PDGFA: variants seen among roughly 807,000 people sequenced by gnomAD.
The protein encoded by PDGFA is platelet-derived growth factor subunit A.
A neutral mutation model predicts 25.6 loss-of-function variants in PDGFA; 9 were observed. That is an observed-to-expected ratio of 0.35 (90% confidence interval 0.21 to 0.61). The LOEUF is 0.61. Ranked by LOEUF, PDGFA falls within the 20% of genes least tolerant of loss-of-function variation. The pLI, the probability that PDGFA is intolerant of heterozygous loss-of-function variation, is 0.75. For missense variants in PDGFA, 242 were observed against 272.8 expected (o/e 0.89, Z 0.79); for synonymous variants, 133 against 111.8 (o/e 1.19, Z -1.20).
At chr7:497,530 G>A (rs1782095813) in exon 6 of PDGFA, 1 of 152,222 alleles carries the variant, frequency 6.6e-6, no homozygotes, top group African/African-American at 2.4e-5. Flanking sequence ...AAGCGGCAAT[G>A]CATCTCACGT....
chr7:501,256 C>G lies in PDGFA; in HGVS notation c.454-14G>C, dbSNP rs1215242138. The stretch of plus-strand genomic sequence containing the variant: ...CACCTTGGCCACCTGCCAGAGAGAA[C>G]AGAGCCCGGCCATGAATGCCTGCAT... On this transcript the variant is annotated splice_polypyrimidine_tract_variant and intron_variant, in intron 4 of 5. Coordinates refer to ENST00000402802, the Ensembl canonical transcript of PDGFA. The G allele has an allele frequency of 1.2e-5, 19 of 1,613,782 alleles. No homozygotes were observed. The highest frequency in any genetic ancestry group is 1.6e-5 in the Non-Finnish European group (19 of 1,179,966).
Position 500,374 on chromosome 7 carries a change from C to T in PDGFA, c.580+742G>A. 6.4e-7 allele frequency: 1 copy of T among 1,564,674 alleles called. No individual in the cohort carries two copies. The highest frequency in any genetic ancestry group is 8.8e-7 in the Non-Finnish European group (1 of 1,135,490). ...AGGAAGCGTGATTTGCTGGTGTGAT[C>T]AGTCAGTTGCACCTCCCCGCCCTGC... On this transcript the variant is annotated intron_variant, in intron 5 of 5. Coordinates refer to ENST00000402802, the Ensembl canonical transcript of PDGFA. This position sits in a 1 kb window ranked among gnomAD's most constrained non-coding sequence, Gnocchi z 5.0.
At chr7:510,083 C>T (rs1782732915) in intron 4 of PDGFA, among the ~76,000 whole-genome samples, 1 of 152,188 alleles carries the variant, frequency 6.6e-6, no homozygotes, top group African/African-American at 2.4e-5. Context: ...CACTGAAGAG[C>T]CCGCACAGGA....
chr7:498,935 C>T (rs891216158), intron 5 of PDGFA, among the ~76,000 whole-genome samples: 4 of 152,228 alleles, frequency 2.6e-5, no homozygotes, highest in African/African-American at 9.6e-5. Flanking sequence ...CTCTGGCAGC[C>T]ACCTTGGGCC....
intron 4 of PDGFA, among the ~76,000 whole-genome samples, chr7:509,373 C>T (rs1482674626): frequency 3.3e-5 from 5 of 152,192 alleles, no homozygotes; most frequent in Admixed American, 2.0e-4. Context: ...CTCACTGCAG[C>T]CTCAACCTCC....
rs989162514 is a variant in PDGFA, at chr7:500,015, T to C, written c.580+1101A>G. On this transcript the variant is annotated intron_variant, in intron 5 of 5. Coordinates refer to ENST00000402802, the Ensembl canonical transcript of PDGFA. This position sits in a 1 kb window ranked among gnomAD's most constrained non-coding sequence, Gnocchi z 5.0. Reference sequence around the variant, plus strand: ...TGCACGTTTATAAAGGATTTCCAGATATATTCAGCCTCCAACAGTCCTTAT... The same window carrying C: ...TGCACGTTTATAAAGGATTTCCAGACATATTCAGCCTCCAACAGTCCTTAT... 2.6e-5 allele frequency among the ~76,000 whole-genome samples: 4 copies of C among 152,082 alleles called. No homozygotes were observed. The highest frequency in any genetic ancestry group is 9.7e-5 in the African/African-American group (4 of 41,386).
At chr7:510,391 C>T (rs369765097) in intron 4 of PDGFA, among the ~76,000 whole-genome samples, 87 of 151,660 alleles carry the variant, frequency 5.7e-4, no homozygotes, top group African/African-American at 1.8e-3. Context: ...CCAGTAGGGG[C>T]GACCCTCAGG....
intron 4 of PDGFA, among the ~76,000 whole-genome samples, chr7:502,681 C>T (rs1339213493): frequency 1.3e-5 from 2 of 152,150 alleles, no homozygotes; most frequent in African/African-American, 2.4e-5. Flanking sequence ...GCCTCCACAG[C>T]CCCTTCCCCG....
At chr7:513,493 G>T (rs896240183) in intron 2 of PDGFA, 1 of 149,352 alleles carries the variant, frequency 6.7e-6, no homozygotes, top group African/African-American at 2.5e-5. Context: ...CAGCTGGGGA[G>T]TCTCTTCCCA....
chr7:515,204 G>T (rs1783033768), intron 2 of PDGFA, among the ~76,000 whole-genome samples: 2 of 152,182 alleles, frequency 1.3e-5, no homozygotes, highest in Non-Finnish European at 2.9e-5. Context: ...GACTCCGAGG[G>T]AAAGTTCGTT....
upstream of PDGFA, chr7:519,945 G>A (rs1417464300): frequency 1.7e-5 from 2 of 118,642 alleles, no homozygotes; most frequent in Non-Finnish European, 1.6e-5. Flanking sequence ...CGGATTCCGG[G>A]CCTGGGACCC....
Position 500,547 on chromosome 7 carries a change from G to C in PDGFA, c.580+569C>G, listed in dbSNP as rs149638807. 3.1e-6 allele frequency: 5 copies of C among 1,613,078 alleles called. No homozygotes were observed. The highest frequency in any genetic ancestry group is 4.2e-6 in the Non-Finnish European group (5 of 1,179,888). On this transcript the variant is annotated intron_variant, in intron 5 of 5. Coordinates refer to ENST00000402802, the Ensembl canonical transcript of PDGFA. The surrounding 1 kb of genome is among the most constrained non-coding windows in gnomAD (Gnocchi z 5.0). ...GTGAGTGGGCCGAGGGACGGCCGTCGGGGTGAAGAACTGAAGCAACAAATA... is the reference window on the plus strand; with the variant it reads ...GTGAGTGGGCCGAGGGACGGCCGTCCGGGTGAAGAACTGAAGCAACAAATA...
intron 5 of PDGFA, among the ~76,000 whole-genome samples, chr7:499,943 T>C (rs1308062827): frequency 6.6e-6 from 1 of 152,064 alleles, no homozygotes; most frequent in Admixed American, 6.5e-5. Flanking sequence ...TGCTGTCTGG[T>C]GTTACTAGCA....
chr7:516,040 GC>G (rs1299066097), intron 2 of PDGFA, among the ~76,000 whole-genome samples: 604 of 33,742 alleles, frequency 0.018, 23 homozygotes, highest in African/African-American at 0.061. Flanking sequence ...CCAGGAAGCA[GC>G]CCCCCCCCCC....
intron 2 of PDGFA, chr7:513,016 C>T (rs149458972): frequency 0.013 from 2,492 of 189,562 alleles, 82 homozygotes; most frequent in African/African-American, 0.055. Flanking sequence ...CACTGGAAGC[C>T]GCCAGACTGG....
In PDGFA at chr7:517,310, G is replaced by T; in HGVS notation, c.160+84C>A. The T allele has an allele frequency of 2.2e-6, 1 of 464,264 alleles. No individual in the cohort carries two copies. Among genetic ancestry groups the T allele is most frequent in the South Asian group, 6.0e-5 (1 of 16,804 alleles). The allele number at this position is 464,264 out of a possible 1,614,324, so 28.8% of individuals were successfully genotyped here. ...CTGACCTTTCGGTGCGCTCCTGCGC[G>T]GCGCCCCGCCCGGCCCCAGCTCGGG... is the stretch of plus-strand genomic sequence containing the variant. On this transcript the variant is annotated intron_variant, in intron 2 of 5. Coordinates refer to ENST00000402802, the Ensembl canonical transcript of PDGFA. This position sits in a 1 kb window ranked among gnomAD's most constrained non-coding sequence, Gnocchi z 7.4.
chr7:506,954 C>T (rs561143532), intron 4 of PDGFA, among the ~76,000 whole-genome samples: 2 of 152,354 alleles, frequency 1.3e-5, no homozygotes, highest in East Asian at 1.9e-4. Context: ...GGTGGACAGA[C>T]TTTGGGGGCC....
chr7:519,926 C>CT (rs1312616556), upstream of PDGFA: 92 of 125,676 alleles, frequency 7.3e-4, 1 homozygote, highest in African/African-American at 2.6e-3. Flanking sequence ...CCCCCCCCCC[C>CT]GCCTCCCCCG....
At chr7:498,662 G>A in intron 5 of PDGFA, 88 bp from the exon 6 acceptor site, 1 of 1,267,524 alleles carries the variant, frequency 7.9e-7, no homozygotes, top group Non-Finnish European at 1.1e-6. Flanking sequence ...GGAAAACAGG[G>A]TGAAAACATT....
Sources: gnomAD v4.1 joint callset for allele counts (sites outside exome capture counted in the v4.1 genomes callset) on GRCh38, gnomAD v4.1.1 for gene constraint, Gnocchi (gnomAD v3.1) non-coding constraint, MANE v1.5 for transcripts, NCBI Gene and HGNC (gene_info 2026-07-23, HGNC 2026-07-21) for gene names.